LRRC59: variants seen among roughly 807,000 people sequenced by gnomAD.
The protein encoded by LRRC59 is leucine rich repeat containing 59.
Under a neutral mutation model 33.5 loss-of-function variants are expected in LRRC59, and 18 were observed. The observed-to-expected ratio is 0.54, with a 90% confidence interval of 0.37 to 0.80. The LOEUF (loss-of-function observed/expected upper bound fraction) is 0.80. Among genes scored for constraint, LRRC59 ranks in the 30% least tolerant of loss-of-function variants. The pLI is 0.00. For synonymous variants in LRRC59, 138 were observed against 160.0 expected (o/e 0.86, Z 1.04); for missense variants, 330 against 391.9 (o/e 0.84, Z 1.33).
intron 2 of LRRC59, 122 bp downstream of exon 2, chr17:50,394,807 G>T: frequency 1.5e-6 from 1 of 675,614 alleles, no homozygotes; most frequent in Non-Finnish European, 2.6e-6. Flanking sequence ...GCTATAGCCT[G>T]CCTGTAGGCC....
At chr17:50,392,985 C>A in intron 2 of LRRC59, 88 bp from the exon 3 acceptor site, 1 of 1,300,984 alleles carries the variant, frequency 7.7e-7, no homozygotes, top group Non-Finnish European at 1.1e-6. Flanking sequence ...AATTTGTAAC[C>A]TTTCTTAAAA....
intron 1 of LRRC59, chr17:50,396,956 G>T: frequency 2.5e-6 from 1 of 402,100 alleles, no homozygotes; most frequent in Non-Finnish European, 4.4e-6. Context: ...TGACAGATTC[G>T]CTTCTTAGCC....
chr17:50,383,785 T>C (rs1913936399), intron 6 of LRRC59, among the ~76,000 whole-genome samples: 1 of 152,050 alleles, frequency 6.6e-6, no homozygotes, highest in South Asian at 2.1e-4. Context: ...GAACATATGT[T>C]ACATTTTTAA....
At chr17:50,392,194 G>A (rs751726395) in intron 4 of LRRC59, among the ~76,000 whole-genome samples, 2 of 152,164 alleles carry the variant, frequency 1.3e-5, no homozygotes, top group African/African-American at 2.4e-5. Context: ...GAGCAACTCT[G>A]TCTCAAAACA....
chr17:50,394,489 CCTT>C (rs1395964063), intron 2 of LRRC59, among the ~76,000 whole-genome samples: 15 of 152,326 alleles, frequency 9.8e-5, no homozygotes, highest in African/African-American at 3.6e-4. Flanking sequence ...CATAAAATCA[CCTT>C]CTTTCTTGCT....
At chr17:50,395,657 G>A (rs1003708276) in intron 1 of LRRC59, among the ~76,000 whole-genome samples, 5 of 152,192 alleles carry the variant, frequency 3.3e-5, no homozygotes, top group Non-Finnish European at 7.3e-5. Flanking sequence ...GCTCACGCCT[G>A]TAATCCCACC....
In LRRC59 at chr17:50,382,653, C is replaced by A; in HGVS notation, c.*335G>T. On this transcript the variant is annotated 3_prime_UTR_variant, in exon 7 of 7. Coordinates refer to ENST00000225972, the MANE Select transcript of LRRC59 (RefSeq NM_018509.4). Reference sequence around the variant, plus strand: ...AAAGTATAAATGTAGTGACAGCTGACCATTTAGTAGAAACGAGCCTTGCCT... The same window carrying A: ...AAAGTATAAATGTAGTGACAGCTGAACATTTAGTAGAAACGAGCCTTGCCT... The A allele has an allele frequency of 3.3e-6, 1 of 301,632 alleles. No individual in the cohort carries two copies. Among genetic ancestry groups the A allele is most frequent in the Non-Finnish European group, 6.3e-6 (1 of 159,740 alleles). 18.7% of individuals were successfully genotyped at this position (301,632 alleles called of 1,614,324 possible).
Position 50,397,246 on chromosome 17 carries a change from G to A in LRRC59, c.72C>T (p.Leu24=). 1 of 1,605,916 alleles carries A rather than the reference G, an allele frequency of 6.2e-7. No homozygotes were observed. The highest frequency in any genetic ancestry group is 8.5e-7 in the Non-Finnish European group (1 of 1,176,730). ...KLDGNELDLS[L]SDLNEVPVKE... ...TCACCGGGACCTCATTCAGGTCGCT[G>A]AGGCTCAGGTCCAGTTCGTTGCCGT... is the stretch of plus-strand genomic sequence containing the variant. Residue 24 remains leucine (L), a synonymous_variant, in exon 1 of 7, where the codon CTC becomes CTT. Coordinates refer to ENST00000225972, the MANE Select transcript of LRRC59 (RefSeq NM_018509.4).
At chr17:50,394,372 T>C (rs907006767) in intron 2 of LRRC59, among the ~76,000 whole-genome samples, 1 of 152,148 alleles carries the variant, frequency 6.6e-6, no homozygotes, top group African/African-American at 2.4e-5. Context: ...CTAGCAGACG[T>C]TGTGCAAGAA....
At chr17:50,395,753 A>C (rs1914258197) in intron 1 of LRRC59, among the ~76,000 whole-genome samples, 1 of 152,142 alleles carries the variant, frequency 6.6e-6, no homozygotes, top group Non-Finnish European at 1.5e-5. Context: ...GTCTCTACTA[A>C]AAATAGAAAA....
Position 50,395,751 on chromosome 17 carries a change from T to TA in LRRC59, c.106-764dup, listed in dbSNP as rs990555993. Among the ~76,000 whole-genome samples the TA allele has an allele frequency of 6.6e-5, 10 of 152,064 alleles. 1 individual carries two copies. The highest frequency in any genetic ancestry group is 2.2e-4 in the African/African-American group (9 of 41,496). On this transcript the variant is annotated intron_variant, in intron 1 of 6. Coordinates refer to ENST00000225972, the MANE Select transcript of LRRC59 (RefSeq NM_018509.4). The stretch of plus-strand genomic sequence containing the variant: ...CAACACGGAGAAACCCTGTCTCTAC[T>TA]AAAAATAGAAAATTAGCCAGGCATG...
intron 2 of LRRC59, 135 bp from the exon 3 acceptor site, chr17:50,393,032 T>C: frequency 1.3e-6 from 1 of 785,498 alleles, no homozygotes; most frequent in Non-Finnish European, 2.0e-6. Flanking sequence ...AGCTCATCAG[T>C]GTATTTCATG....
At chr17:50,393,489 G>A (rs1172882039) in intron 2 of LRRC59, among the ~76,000 whole-genome samples, 3 of 152,184 alleles carry the variant, frequency 2.0e-5, no homozygotes. Context: ...TCTGATTCTT[G>A]TTATTTGCAG....
Position 50,392,806 on chromosome 17 carries a change from T to A in LRRC59, c.257A>T (p.Asn86Ile). The A allele has an allele frequency of 6.2e-7, 1 of 1,613,986 alleles. No homozygotes were observed. Among genetic ancestry groups the A allele is most frequent in the Non-Finnish European group, 8.5e-7 (1 of 1,179,976 alleles). Residue 86 changes from asparagine (N) to isoleucine (I), a missense_variant, in exon 3 of 7, where the codon AAC (asparagine) becomes ATC (isoleucine). Asn to Ile is a moderately radical substitution (Grantham distance 149). Transcript: ENST00000225972. ...GTTGAGGAGATCCAGGTGCTGGAGG[T>A]TGACCAGACGGCCAAAGTCTGCTGG... ...QLPADFGRLVNLQHLDLLNNK... is the reference protein window; with the variant it reads ...QLPADFGRLVILQHLDLLNNK...
intron 1 of LRRC59, chr17:50,396,365 T>A (rs1343886760): frequency 6.6e-6 from 1 of 152,282 alleles, no homozygotes; most frequent in Non-Finnish European, 1.5e-5. Flanking sequence ...ACTCGGCTAT[T>A]AAGCAATGGA....
intron 2 of LRRC59, 108 bp from the exon 3 acceptor site, chr17:50,393,005 A>AT (rs3834594): frequency 2.7e-5 from 30 of 1,120,724 alleles, no homozygotes; most frequent in Admixed American, 9.4e-5. Flanking sequence ...ACATTACGAG[A>AT]TTTTTTTTCC....
intron 1 of LRRC59, among the ~76,000 whole-genome samples, chr17:50,395,739 C>G (rs1472200361): frequency 6.6e-6 from 1 of 152,152 alleles, no homozygotes; most frequent in African/African-American, 2.4e-5. Context: ...CACGGAGAAA[C>G]CCTGTCTCTA....
intron 4 of LRRC59, among the ~76,000 whole-genome samples, chr17:50,391,072 G>T (rs1914132804): frequency 6.6e-6 from 1 of 152,238 alleles, no homozygotes; most frequent in African/African-American, 2.4e-5. Flanking sequence ...AGAAATGAAA[G>T]TAATGCCGAC....
rs1359155140 is a variant in LRRC59 at position 50,397,484 on chromosome 17, G to A, written c.-167C>T. 1.7e-5 allele frequency: 9 copies of A among 517,886 alleles called. No homozygotes were observed. The Admixed American group carries it at 2.8e-4, about 16-fold the overall frequency. The allele number at this position is 517,886 out of a possible 1,614,324, so 32.1% of individuals were successfully genotyped here. A position where few individuals can be genotyped will look rare whatever the true frequency, so the allele number is the denominator to read the frequency against. Reference sequence around the variant, plus strand: ...CCGCTGGCCGCACTCCGAGCCTCGCGCCTAGCTCCCACCGGTGCCGCGACG... The same window carrying A: ...CCGCTGGCCGCACTCCGAGCCTCGCACCTAGCTCCCACCGGTGCCGCGACG... On this transcript the variant is annotated 5_prime_UTR_variant, in exon 1 of 7. Transcript: ENST00000225972.
Sources: allele counts gnomAD v4.1 joint callset (sites outside exome capture counted in the v4.1 genomes callset), GRCh38; gene constraint gnomAD v4.1.1; transcripts MANE v1.5; gene names NCBI Gene and HGNC (gene_info 2026-07-23, HGNC 2026-07-21).